The following CEP128 variants were observed in gnomAD, a reference collection of about 807,000 sequenced individuals.
CEP128 encodes the protein centrosomal protein 128kDa.
A neutral mutation model predicts 156.7 loss-of-function variants in CEP128; 132 were observed. The observed-to-expected ratio is 0.84, with a 90% CI of 0.73 to 0.97. The LOEUF is 0.97. Ranked by LOEUF, CEP128 falls within the 50% of genes least tolerant of loss-of-function variation. The pLI is 0.00. For synonymous variants in CEP128, 469 were observed against 448.9 expected, an observed-to-expected ratio of 1.04 and a Z score of -0.57; for missense variants, 1,252 against 1,281.9, an observed-to-expected ratio of 0.98 and a Z score of 0.36.
intron 18 of CEP128, among the ~76,000 whole-genome samples, chr14:80,755,529 A>C (rs1046086945): frequency 6.6e-6 from 1 of 152,136 alleles, no homozygotes; most frequent in Non-Finnish European, 1.5e-5. Flanking sequence ...TCCCCACCCA[A>C]TCCTTGTTTT....
chr14:80,847,142 G>GA (rs1385617512), intron 9 of CEP128, among the ~76,000 whole-genome samples: 2 of 151,958 alleles, frequency 1.3e-5, no homozygotes, highest in African/African-American at 2.4e-5. Context: ...ATCTTTCACT[G>GA]AAAAAAACAT....
intron 8 of CEP128, among the ~76,000 whole-genome samples, chr14:80,887,806 C>A (rs576230217): frequency 6.6e-6 from 1 of 151,842 alleles, no homozygotes; most frequent in East Asian, 1.9e-4. Flanking sequence ...GATAGAGACA[C>A]AAAAAAACCT....
intron 19 of CEP128, among the ~76,000 whole-genome samples, chr14:80,677,562 T>C (rs1332356340): frequency 7.0e-6 from 1 of 143,620 alleles, no homozygotes; most frequent in Non-Finnish European, 1.5e-5. Flanking sequence ...GTGGTTTTAA[T>C]AGAATATAGT....
chr14:80,767,359 T>C (rs1479769812), intron 16 of CEP128, among the ~76,000 whole-genome samples: 1 of 152,104 alleles, frequency 6.6e-6, no homozygotes, highest in Non-Finnish European at 1.5e-5. Flanking sequence ...CAAGCTTATT[T>C]CTCAAAACTA....
At chr14:80,578,072 A>C (rs1034569410) in intron 20 of CEP128, among the ~76,000 whole-genome samples, 12 of 152,192 alleles carry the variant, frequency 7.9e-5, no homozygotes, top group African/African-American at 2.4e-5. Flanking sequence ...TACCTATGAC[A>C]AACAAGGACA....
At chr14:80,638,518 T>C (rs991504038) in intron 19 of CEP128, among the ~76,000 whole-genome samples, 4 of 152,196 alleles carry the variant, frequency 2.6e-5, no homozygotes, top group Non-Finnish European at 4.4e-5. Context: ...GCTTGCTCCA[T>C]TGTCAACTTA....
At chr14:80,718,383 A>G (rs1198485991) in intron 19 of CEP128, among the ~76,000 whole-genome samples, 1 of 152,234 alleles carries the variant, frequency 6.6e-6, no homozygotes, top group Admixed American at 6.5e-5. Flanking sequence ...AAAAATTTAA[A>G]CAACTAGTTT....
At chr14:80,927,445 T>C (rs1219292662) in intron 2 of CEP128, among the ~76,000 whole-genome samples, 1 of 152,160 alleles carries the variant, frequency 6.6e-6, no homozygotes, top group Non-Finnish European at 1.5e-5. Context: ...GTAGACAGCC[T>C]TTCCATAACA....
At position 80,559,315 on chromosome 14, in the gene CEP128, C is replaced by A; in HGVS notation, c.2857-13G>T. ...CAATTACACGGTCCTGCAAAGAAAG[C>A]ATAATATATAATTATAAAACGAAGG... On this transcript the variant is annotated splice_polypyrimidine_tract_variant and intron_variant, in intron 20 of 24. Transcript: ENST00000555265. The A allele has an allele frequency of 6.3e-7, 1 of 1,587,628 alleles. No individual in the cohort carries two copies. Among genetic ancestry groups the A allele is most frequent in the Admixed American group, 1.8e-5 (1 of 54,482 alleles).
chr14:80,758,008 T>C lies in CEP128; in HGVS notation c.2554-1057A>G, dbSNP rs182782067. On this transcript the variant is annotated intron_variant, in intron 17 of 24. Transcript: ENST00000555265. Reference sequence around the variant, plus strand: ...CTTCCTCTTCCAGTTCTCTACTACATTGCTGAATATTTGCATACATCCATT... The same window carrying C: ...CTTCCTCTTCCAGTTCTCTACTACACTGCTGAATATTTGCATACATCCATT... Among the ~76,000 whole-genome samples, 481 of 152,354 alleles carry C rather than the reference T, an allele frequency of 3.2e-3. 4 individuals are homozygous for C. The highest frequency in any genetic ancestry group is 4.9e-3 in the Non-Finnish European group (331 of 68,028).
At chr14:80,813,885 T>C (rs1342982632) in intron 13 of CEP128, among the ~76,000 whole-genome samples, 1 of 152,220 alleles carries the variant, frequency 6.6e-6, no homozygotes, top group Non-Finnish European at 1.5e-5. Flanking sequence ...AAAATTTTTA[T>C]ATACTTTCCT....
intron 21 of CEP128, among the ~76,000 whole-genome samples, chr14:80,545,059 C>T (rs1317634184): frequency 1.3e-5 from 2 of 152,166 alleles, no homozygotes; most frequent in African/African-American, 4.8e-5. Context: ...AAGCTCTCAA[C>T]CTTTTACCAT....
chr14:80,513,681 G>A (rs1888361147), intron 23 of CEP128, among the ~76,000 whole-genome samples: 1 of 152,092 alleles, frequency 6.6e-6, no homozygotes, highest in Admixed American at 6.5e-5. Context: ...CTGGAGAGTT[G>A]TGCCCTACAA....
chr14:80,588,511 T>C (rs1891914865), intron 19 of CEP128, among the ~76,000 whole-genome samples: 1 of 152,112 alleles, frequency 6.6e-6, no homozygotes, highest in South Asian at 2.1e-4. Context: ...ATGATATACA[T>C]ACAAAACTTT....
chr14:80,643,241 C>T (rs191360952), intron 19 of CEP128, among the ~76,000 whole-genome samples: 50 of 152,220 alleles, frequency 3.3e-4, no homozygotes, highest in African/African-American at 9.9e-4. Flanking sequence ...CCAAAGAATG[C>T]CATGTGGTTC....
chr14:80,621,543 G>C (rs1893479841), intron 19 of CEP128, among the ~76,000 whole-genome samples: 1 of 152,070 alleles, frequency 6.6e-6, no homozygotes, highest in African/African-American at 2.4e-5. Flanking sequence ...TACAGATAGG[G>C]CAAAACGTCA....
chr14:80,945,420 C>T (rs570836816), upstream of CEP128: 65 of 152,288 alleles, frequency 4.3e-4, 1 homozygote, highest in African/African-American at 1.5e-3. Flanking sequence ...TCAATGATCT[C>T]ATTACGTAAT....
At chr14:80,726,135 A>G (rs2619676) in intron 19 of CEP128, among the ~76,000 whole-genome samples, 44,316 of 152,060 alleles carry the variant, frequency 0.29, 6,610 homozygotes, top group Non-Finnish European at 0.33. Context: ...GACATCTCCT[A>G]TGTCTGATGA....
chr14:80,859,098 G>A lies in CEP128; in HGVS notation c.762+3659C>T, dbSNP rs1321051313. On this transcript the variant is annotated intron_variant, in intron 9 of 24. Transcript: ENST00000555265. The stretch of plus-strand genomic sequence containing the variant: ...TGCTGCTATAAAGACACATGCACAC[G>A]TATGTTTATTGCGGCATTATTCACA... 1.6e-3 allele frequency among the ~76,000 whole-genome samples: 242 copies of A among 149,828 alleles called. 1 individual carries two copies. The highest frequency in any genetic ancestry group is 4.8e-3 in the African/African-American group (198 of 40,880).
Sources: gnomAD v4.1 joint callset for allele counts (sites outside exome capture counted in the v4.1 genomes callset) on GRCh38, gnomAD v4.1.1 for gene constraint, MANE v1.5 for transcripts, NCBI Gene and HGNC (gene_info 2026-07-23, HGNC 2026-07-21) for gene names.